The following MBOAT2 variants were observed in gnomAD, a reference collection of about 807,000 sequenced individuals.
MBOAT2 encodes membrane-bound glycerophospholipid O-acyltransferase 2.
Under a neutral mutation model 63.4 loss-of-function variants are expected in MBOAT2, and 28 were observed. The ratio of observed to expected loss-of-function variants is 0.44; its 90% CI spans 0.33 to 0.61. MBOAT2 has a LOEUF of 0.61. Ranked by LOEUF, MBOAT2 falls within the 20% of genes least tolerant of loss-of-function variation. The pLI, the probability that MBOAT2 is intolerant of heterozygous loss-of-function variation, is 0.03. For synonymous variants in MBOAT2, 211 were observed against 215.6 expected (o/e 0.98, Z 0.19); for missense variants, 470 against 605.8 (o/e 0.78, Z 2.35).
At chr2:8,888,718 C>T (rs1461955943) in intron 4 of MBOAT2, among the ~76,000 whole-genome samples, 1 of 152,092 alleles carries the variant, frequency 6.6e-6, no homozygotes, top group African/African-American at 2.4e-5. Flanking sequence ...ATGACATTAG[C>T]TTACAGACAG....
chr2:8,911,677 C>T (rs1409013506), intron 3 of MBOAT2, among the ~76,000 whole-genome samples: 1 of 152,096 alleles, frequency 6.6e-6, no homozygotes, highest in East Asian at 1.9e-4. Flanking sequence ...CAGCCTGGCA[C>T]CTCACCGCTC....
At chr2:8,899,954 G>A (rs1664791471) in intron 4 of MBOAT2, among the ~76,000 whole-genome samples, 1 of 152,188 alleles carries the variant, frequency 6.6e-6, no homozygotes. Context: ...GATATCTGCG[G>A]CTGATTGGGT....
chr2:8,974,284 C>A, intron 1 of MBOAT2: 2 of 443,278 alleles, frequency 4.5e-6, no homozygotes, highest in South Asian at 3.2e-5. Flanking sequence ...CAATTCTGTT[C>A]AATGAGAAAT....
chr2:8,886,222 A>C (rs185544724), intron 5 of MBOAT2, among the ~76,000 whole-genome samples: 187 of 152,346 alleles, frequency 1.2e-3, no homozygotes, highest in African/African-American at 4.0e-3. Flanking sequence ...GGGGGAAATA[A>C]GTCCGTTCTC....
chr2:8,943,034 TA>T (rs1336582891), intron 3 of MBOAT2, among the ~76,000 whole-genome samples, 152 bp downstream of exon 3: 10 of 152,218 alleles, frequency 6.6e-5, no homozygotes, highest in African/African-American at 2.4e-4. Flanking sequence ...GAATGATGCA[TA>T]CCAATGATTT....
At chr2:8,966,570 T>C (rs1348496150) in intron 1 of MBOAT2, among the ~76,000 whole-genome samples, 1 of 152,050 alleles carries the variant, frequency 6.6e-6, no homozygotes, top group Non-Finnish European at 1.5e-5. Flanking sequence ...AAAACAAGAG[T>C]CCTCATCAAC....
At chr2:8,900,650 G>A (rs1300029663) in intron 4 of MBOAT2, among the ~76,000 whole-genome samples, 2 of 152,184 alleles carry the variant, frequency 1.3e-5, no homozygotes, top group East Asian at 3.9e-4. Flanking sequence ...ATCATTAATA[G>A]AAAGGGGAGC....
At chr2:8,964,249 A>G (rs1021500154) in intron 1 of MBOAT2, among the ~76,000 whole-genome samples, 5 of 152,190 alleles carry the variant, frequency 3.3e-5, no homozygotes, top group African/African-American at 9.7e-5. Flanking sequence ...CTACTTGTGT[A>G]TTTTACATAT....
chr2:8,941,473 C>T (rs537771558), intron 3 of MBOAT2, among the ~76,000 whole-genome samples: 1 of 152,206 alleles, frequency 6.6e-6, no homozygotes, highest in South Asian at 2.1e-4. Context: ...TCCAATGTAG[C>T]CACTAGCCAC....
chr2:8,963,631 T>A (rs1345625753), intron 1 of MBOAT2, among the ~76,000 whole-genome samples: 1 of 152,206 alleles, frequency 6.6e-6, no homozygotes, highest in Non-Finnish European at 1.5e-5. Context: ...TTAGATTTTT[T>A]AAAATGTGGT....
intron 3 of MBOAT2, among the ~76,000 whole-genome samples, chr2:8,936,810 A>AG (rs1370373182): frequency 6.6e-6 from 1 of 150,674 alleles, no homozygotes; most frequent in Non-Finnish European, 1.5e-5. Context: ...AAAAAAGAAA[A>AG]GAAAAAGAAA....
intron 7 of MBOAT2, 140 bp downstream of exon 7, chr2:8,876,890 G>A (rs1662736938): frequency 5.4e-6 from 4 of 737,870 alleles, no homozygotes; most frequent in East Asian, 2.9e-5. Flanking sequence ...CTTCTACCAG[G>A]TGCAGTGTGA....
chr2:8,965,370 A>G (rs2103293727), intron 1 of MBOAT2, among the ~76,000 whole-genome samples: 1 of 152,240 alleles, frequency 6.6e-6, no homozygotes, highest in East Asian at 1.9e-4. Flanking sequence ...TGCTCATGTG[A>G]GATCAGTGTT....
chr2:8,971,800 C>A (rs1670475250), intron 1 of MBOAT2, among the ~76,000 whole-genome samples: 1 of 152,110 alleles, frequency 6.6e-6, no homozygotes, highest in South Asian at 2.1e-4. Context: ...CCTAGGAATC[C>A]AACTTACAAG....
chr2:8,860,005 G>A (rs1661379047), intron 12 of MBOAT2, among the ~76,000 whole-genome samples: 1 of 151,976 alleles, frequency 6.6e-6, no homozygotes. Context: ...CCAAGATGGT[G>A]AAACCCCATC....
At chr2:8,963,599 A>T (rs958538628) in intron 1 of MBOAT2, among the ~76,000 whole-genome samples, 14 of 152,206 alleles carry the variant, frequency 9.2e-5, no homozygotes, top group Non-Finnish European at 1.9e-4. Flanking sequence ...CACCACACCC[A>T]ACCTGAAACT....
At chr2:8,939,465 G>A (rs1183146374) in intron 3 of MBOAT2, among the ~76,000 whole-genome samples, 1 of 152,230 alleles carries the variant, frequency 6.6e-6, no homozygotes, top group Non-Finnish European at 1.5e-5. Flanking sequence ...ACGGGGGAAA[G>A]ATGTCTTGTG....
At position 8,860,685 on chromosome 2, in the gene MBOAT2, G is replaced by A. The variant is rs1661430094; in HGVS notation, c.1265C>T (p.Thr422Ile). The A allele has an allele frequency of 6.2e-7, 1 of 1,612,028 alleles. No homozygotes were observed. Among genetic ancestry groups the A allele is most frequent in the Non-Finnish European group, 8.5e-7 (1 of 1,178,656 alleles). Residue 422 changes from threonine to isoleucine, a missense_variant, in exon 12 of 13, where the codon ACT (threonine) becomes ATT (isoleucine). Coordinates refer to ENST00000305997, the MANE Select transcript of MBOAT2 (RefSeq NM_138799.4). ...LFYDVITWIV[T>I]QVAISYTVVP... ...AACTGTGTAACTTATTGCTACTTGA[G>A]TTACTATCCATGTTATAACATCATA...
chr2:8,921,979 C>T (rs1666603854), intron 3 of MBOAT2, among the ~76,000 whole-genome samples: 1 of 152,136 alleles, frequency 6.6e-6, no homozygotes, highest in Admixed American at 6.5e-5. Flanking sequence ...TTCTCTCTCC[C>T]CTCTCTTTTG....
Sources: gnomAD v4.1 joint callset for allele counts (sites outside exome capture counted in the v4.1 genomes callset) on GRCh38, gnomAD v4.1.1 for gene constraint, MANE v1.5 for transcripts, NCBI Gene and HGNC (gene_info 2026-07-23, HGNC 2026-07-21) for gene names.